GALNT14: variants seen among roughly 807,000 people sequenced by gnomAD.
GALNT14 encodes polypeptide N-acetylgalactosaminyltransferase 14, also known as UDP-GalNAc:polypeptide N-acetylgalactosaminyltransferase 14.
Under a neutral mutation model 77.5 loss-of-function variants are expected in GALNT14, and 60 were observed. The ratio of observed to expected loss-of-function variants is 0.77; its 90% CI spans 0.63 to 0.96. The LOEUF (loss-of-function observed/expected upper bound fraction) is 0.96. Among genes scored for constraint, GALNT14 ranks in the 40% least tolerant of loss-of-function variants. The pLI is 0.00. For missense variants in GALNT14, 710 were observed against 731.0 expected, an observed-to-expected ratio of 0.97 and a Z score of 0.33; for synonymous variants, 280 against 281.7, an observed-to-expected ratio of 0.99 and a Z score of 0.06.
intron 1 of GALNT14, among the ~76,000 whole-genome samples, chr2:31,060,609 C>G (rs968423987): frequency 3.3e-5 from 5 of 152,190 alleles, no homozygotes; most frequent in Admixed American, 6.5e-5. Flanking sequence ...CTGTGCCCCG[C>G]CAGTCTAGCT....
Position 30,954,188 on chromosome 2 carries a change from G to A in GALNT14, c.654+1430C>T, listed in dbSNP as rs1056015674. On this transcript the variant is annotated intron_variant, in intron 6 of 14. Transcript: ENST00000349752. The stretch of plus-strand genomic sequence containing the variant: ...CAGGAAGGGCTTGGTCAGAGCTGGA[G>A]CAGTGGGAATGTCATGGCATGTCCA... Among the ~76,000 whole-genome samples the A allele has an allele frequency of 5.9e-5, 9 of 152,304 alleles. No individual in the cohort carries two copies. The South Asian group carries it at 1.9e-3, about 32-fold the overall frequency.
At chr2:30,894,458 T>G in the GALNT14 span, among the ~76,000 whole-genome samples, 1 of 152,074 alleles carries the variant, frequency 6.6e-6, no homozygotes, top group Non-Finnish European at 1.5e-5. Flanking sequence ...TTTTTTTCAT[T>G]CTGCCACAGA....
At chr2:31,050,871 G>T (rs1673818487) in intron 1 of GALNT14, among the ~76,000 whole-genome samples, 1 of 151,420 alleles carries the variant, frequency 6.6e-6, no homozygotes, top group East Asian at 1.9e-4. Context: ...TACCCACAGG[G>T]GACTTCTCTG....
At chr2:30,897,956 C>G in the GALNT14 span, among the ~76,000 whole-genome samples, 1 of 152,194 alleles carries the variant, frequency 6.6e-6, no homozygotes, top group Non-Finnish European at 1.5e-5. Context: ...TCAGCCTGGC[C>G]TCTAATGGAC....
intron 1 of GALNT14, among the ~76,000 whole-genome samples, chr2:31,073,588 A>T (rs962596328): frequency 3.3e-5 from 5 of 152,160 alleles, no homozygotes; most frequent in African/African-American, 1.2e-4. Flanking sequence ...GGCCTGAGAC[A>T]TGCTGTGGGT....
At chr2:31,124,574 A>G (rs1678601256) in intron 1 of GALNT14, among the ~76,000 whole-genome samples, 1 of 152,168 alleles carries the variant, frequency 6.6e-6, no homozygotes, top group Non-Finnish European at 1.5e-5. Context: ...TAATATTGCA[A>G]AGAGAAAATG....
At chr2:30,920,770 T>C (rs1572967533) in intron 13 of GALNT14, among the ~76,000 whole-genome samples, 1 of 152,248 alleles carries the variant, frequency 6.6e-6, no homozygotes, top group East Asian at 1.9e-4. Context: ...TGTATCCAAG[T>C]CGTGCCGTAG....
chr2:30,932,058 G>A lies in GALNT14; in HGVS notation c.1058+10C>T, dbSNP rs199843526. 46 of 1,520,648 alleles carry A rather than the reference G, an allele frequency of 3.0e-5. No homozygotes were observed. The highest frequency in any genetic ancestry group is 4.0e-5 in the Non-Finnish European group (45 of 1,131,184). 94.2% of individuals were successfully genotyped at this position (1,520,648 alleles called of 1,614,324 possible). A position where few individuals can be genotyped will look rare whatever the true frequency, so the allele number is the denominator to read the frequency against. ...TGCTGCCCACCCGCGCTGAGCCCCTGGGCACTTACTTTATATACGTGTTGG... is the reference window on the plus strand; with the variant it reads ...TGCTGCCCACCCGCGCTGAGCCCCTAGGCACTTACTTTATATACGTGTTGG... On this transcript the variant is annotated intron_variant, in intron 10 of 14. Coordinates refer to ENST00000349752, the MANE Select transcript of GALNT14 (RefSeq NM_024572.4).
intron 1 of GALNT14, among the ~76,000 whole-genome samples, chr2:31,052,024 G>C (rs1673902771): frequency 6.6e-6 from 1 of 152,114 alleles, no homozygotes; most frequent in African/African-American, 2.4e-5. Context: ...TGACCAAAAT[G>C]TGCCACCTGC....
intron 2 of GALNT14, among the ~76,000 whole-genome samples, chr2:30,968,377 C>G (rs1393551106): frequency 6.6e-6 from 1 of 152,236 alleles, no homozygotes; most frequent in Non-Finnish European, 1.5e-5. Context: ...AGCAGGGCAG[C>G]TCATATGACC....
At position 30,917,076 on chromosome 2, in the gene GALNT14, CAAAAAAAAAAAAAA is replaced by C. The variant is rs529653696; in HGVS notation, c.1381-4748_1381-4735del. Reference sequence around the variant, plus strand: ...TGGGCAAAAGAGTAAGACTCCGTCTCAAAAAAAAAAAAAAAAAAAAAAAAAAAAAGAGGCAGGAG... The same window carrying C: ...TGGGCAAAAGAGTAAGACTCCGTCTCAAAAAAAAAAAAAAAGAGGCAGGAG... On this transcript the variant is annotated intron_variant, in intron 13 of 14. Transcript: ENST00000349752. 3.0e-4 allele frequency among the ~76,000 whole-genome samples: 6 copies of C among 19,906 alleles called. 1 individual carries two copies. The highest frequency in any genetic ancestry group is 7.6e-4 in the Admixed American group (1 of 1,310). The allele number at this position is 19,906 out of a possible 152,430, so 13.1% of individuals were successfully genotyped here.
chr2:30,964,623 T>G (rs578011790), intron 3 of GALNT14, among the ~76,000 whole-genome samples: 1 of 152,342 alleles, frequency 6.6e-6, no homozygotes, highest in African/African-American at 2.4e-5. Flanking sequence ...GGCACGTGGC[T>G]GGAGGAAGAA....
chr2:31,075,055 G>A (rs59636407), intron 1 of GALNT14, among the ~76,000 whole-genome samples: 1 of 152,196 alleles, frequency 6.6e-6, no homozygotes, highest in Non-Finnish European at 1.5e-5. Flanking sequence ...GATCCCTCAC[G>A]AATGACTTGG....
intron 1 of GALNT14, among the ~76,000 whole-genome samples, chr2:31,051,092 T>G (rs1023929338): frequency 6.6e-6 from 1 of 152,198 alleles, no homozygotes; most frequent in Admixed American, 6.5e-5. Context: ...AAAACCTGAC[T>G]TGCTGCATCG....
intron 1 of GALNT14, among the ~76,000 whole-genome samples, chr2:31,054,266 T>C (rs1172983957): frequency 6.6e-6 from 1 of 152,218 alleles, no homozygotes; most frequent in Non-Finnish European, 1.5e-5. Context: ...CTTACATATG[T>C]GTGAGCTTAC....
At chr2:30,996,034 C>A (rs888880662) in intron 1 of GALNT14, among the ~76,000 whole-genome samples, 2 of 152,098 alleles carry the variant, frequency 1.3e-5, no homozygotes, top group African/African-American at 2.4e-5. Context: ...TCTTTTCAGA[C>A]CTTCAGTGAA....
chr2:30,912,461 T>C lies in GALNT14; in HGVS notation c.1381-119A>G, dbSNP rs59414067. On this transcript the variant is annotated intron_variant, in intron 13 of 14. Coordinates refer to ENST00000349752, the MANE Select transcript of GALNT14 (RefSeq NM_024572.4). ...TGGTAAGAAGCACCAAGGGTCCCAG[T>C]AGGCAATGATCATCAAGGTTACCTT... 1.2e-3 allele frequency: 1,354 copies of C among 1,117,690 alleles called. 13 individuals are homozygous for C. The African/African-American group carries it at 0.019, about 16-fold the overall frequency. 69.2% of individuals were successfully genotyped at this position (1,117,690 alleles called of 1,614,324 possible).
intron 9 of GALNT14, 44 bp from the exon 10 acceptor site, chr2:30,932,238 G>A: frequency 7.2e-7 from 1 of 1,390,608 alleles, no homozygotes; most frequent in Non-Finnish European, 9.4e-7. Context: ...TATCACTGCT[G>A]CTGCAGCTTT....
intron 1 of GALNT14, among the ~76,000 whole-genome samples, chr2:31,086,789 T>C (rs1042917397): frequency 6.6e-6 from 1 of 152,104 alleles, no homozygotes; most frequent in Non-Finnish European, 1.5e-5. Flanking sequence ...AGGGTAATAA[T>C]TCCACCACTC....
Sources: allele counts gnomAD v4.1 joint callset (sites outside exome capture counted in the v4.1 genomes callset), GRCh38; gene constraint gnomAD v4.1.1; transcripts MANE v1.5; gene names NCBI Gene and HGNC (gene_info 2026-07-23, HGNC 2026-07-21).